The following PAGE1 variants were observed in gnomAD, a reference collection of about 807,000 sequenced individuals.
PAGE1 encodes P antigen family member 1.
Under a neutral mutation model 11.5 loss-of-function variants are expected in PAGE1, and 6 were observed. The ratio of observed to expected loss-of-function variants is 0.52; its 90% confidence interval spans 0.29 to 1.03. The LOEUF is 1.03. Among genes scored for constraint, PAGE1 ranks in the 50% least tolerant of loss-of-function variants. The pLI, the probability that PAGE1 is intolerant of heterozygous loss-of-function variation, is 0.09. For synonymous variants in PAGE1, 42 were observed against 40.2 expected, an observed-to-expected ratio of 1.05 and a Z score of -0.17; for missense variants, 120 against 110.2, an observed-to-expected ratio of 1.09 and a Z score of -0.40.
chrX:49,692,750 T>C, intron 3 of PAGE1, among the ~76,000 whole-genome samples: 1 of 110,788 alleles, frequency 9.0e-6, no homozygotes, highest in Non-Finnish European at 1.9e-5. Flanking sequence ...GAACAAACTT[T>C]ACATGTTTGT....
chrX:49,694,264 CA>C lies in PAGE1; in HGVS notation c.64-64del, dbSNP rs1557142588. The C allele has an allele frequency of 1.7e-5, 10 of 584,183 alleles. No individual in the cohort carries two copies. The Admixed American group carries it at 2.1e-4, about 12-fold the overall frequency. 48.1% of individuals were successfully genotyped at this position (584,183 alleles called of 1,213,427 possible). On this transcript the variant is annotated intron_variant, in intron 2 of 5. Transcript: ENST00000376150. The stretch of plus-strand genomic sequence containing the variant: ...AAAAAGTTTTGTTATTAATACATGT[CA>C]AAAAATATATACGTATACACACAGA...
chrX:49,689,697 CAT>C (rs1186146924), intron 4 of PAGE1, among the ~76,000 whole-genome samples, 154 bp from the exon 5 acceptor site: 17 of 52,522 alleles, frequency 3.2e-4, no homozygotes, highest in East Asian at 2.8e-3. Context: ...TATATATACA[CAT>C]ATATATGTGT....
chrX:49,692,693 G>C (rs1214230009), intron 3 of PAGE1, among the ~76,000 whole-genome samples: 2 of 110,848 alleles, frequency 1.8e-5, no homozygotes, highest in African/African-American at 6.6e-5. Flanking sequence ...AATTTTAAGT[G>C]TTATAGTTCA....
intron 4 of PAGE1, among the ~76,000 whole-genome samples, chrX:49,690,071 A>ATATATATGTG (rs60666030): frequency 7.0e-5 from 4 of 57,487 alleles, no homozygotes; most frequent in Non-Finnish European, 9.8e-5. Flanking sequence ...ATATACACAC[A>ATATATATGTG]TATATATGTG....
intron 5 of PAGE1, among the ~76,000 whole-genome samples, chrX:49,689,133 G>C (rs2066894052): frequency 9.0e-6 from 1 of 110,597 alleles, no homozygotes; most frequent in East Asian, 2.8e-4. Flanking sequence ...CTGAGATCAG[G>C]AGTTTGAGAC....
At position 49,690,134 on chromosome X, in the gene PAGE1, CAT is replaced by C. The variant is rs781908318; in HGVS notation, c.293-593_293-592del. On this transcript the variant is annotated intron_variant, in intron 4 of 5. Transcript: ENST00000376150. Reference sequence around the variant, plus strand: ...ACACATATATATGTGTATATATACACATATATATGTGTATATATATAATCAAT... The same window carrying C: ...ACACATATATATGTGTATATATACACATATATGTGTATATATATAATCAAT... Among the ~76,000 whole-genome samples the C allele has an allele frequency of 3.9e-4, 30 of 77,777 alleles. 1 individual carries two copies. The highest frequency in any genetic ancestry group is 1.3e-3 in the South Asian group (2 of 1,544). The allele number at this position is 77,777 out of a possible 115,157, so 67.5% of individuals were successfully genotyped here.
At chrX:49,694,048 A>C in intron 3 of PAGE1, 51 bp downstream of exon 3, 1 of 688,664 alleles carries the variant, frequency 1.5e-6, no homozygotes. Context: ...ACACACACAC[A>C]CACACACACA....
chrX:49,688,031 C>T (rs1458800829), intron 5 of PAGE1, among the ~76,000 whole-genome samples: 4 of 112,594 alleles, frequency 3.6e-5, no homozygotes, highest in Non-Finnish European at 7.5e-5. Context: ...AGGGAGTGTG[C>T]GTAGCACAGG....
chrX:49,692,146 G>GA (rs201192291), intron 3 of PAGE1, among the ~76,000 whole-genome samples: 36 of 102,286 alleles, frequency 3.5e-4, no homozygotes, highest in Admixed American at 1.1e-3. Flanking sequence ...GACTCCGTCT[G>GA]AAAAAAAAAA....
At chrX:49,691,987 G>GA (rs1557142263) in intron 3 of PAGE1, among the ~76,000 whole-genome samples, 2 of 110,140 alleles carry the variant, frequency 1.8e-5, no homozygotes, top group East Asian at 2.8e-4. Context: ...AAATACAAAA[G>GA]AAAAAATAAA....
At chrX:49,688,491 G>T (rs1473547603) in intron 5 of PAGE1, among the ~76,000 whole-genome samples, 1 of 111,093 alleles carries the variant, frequency 9.0e-6, no homozygotes, top group Non-Finnish European at 1.9e-5. Context: ...CAGAGTGCCC[G>T]CTCCCTTTCT....
chrX:49,689,410 T>C lies in PAGE1; in HGVS notation c.418+8A>G, dbSNP rs1049777159. On this transcript the variant is annotated splice_region_variant and intron_variant, in intron 5 of 5. Transcript: ENST00000376150. ...CCCTACAATTTGCATGCCTAATGGA[T>C]TGCCTACCTTCCTCAGGTGTTTTCA... The C allele has an allele frequency of 1.8e-6, 2 of 1,099,178 alleles. No homozygotes were observed. Among genetic ancestry groups the C allele is most frequent in the Non-Finnish European group, 2.4e-6 (2 of 831,678 alleles). 90.6% of individuals were successfully genotyped at this position (1,099,178 alleles called of 1,213,427 possible).
Position 49,690,796 on chromosome X carries a change from G to C in PAGE1, c.292+453C>G, listed in dbSNP as rs1169549196. ...TGCCAACATTTTGGGATGCCAAGGT[G>C]GGCAGATCACTTGAGGTCGGGAGTT... On this transcript the variant is annotated intron_variant, in intron 4 of 5. Coordinates refer to ENST00000376150, the MANE Select transcript of PAGE1 (RefSeq NM_003785.4). Among the ~76,000 whole-genome samples the C allele has an allele frequency of 6.4e-5, 7 of 110,063 alleles. No individual in the cohort carries two copies. In the Admixed American group the frequency reaches 6.8e-4, roughly 11 times the overall value.
At chrX:49,694,285 C>T (rs781921356) in intron 2 of PAGE1, 84 bp from the exon 3 acceptor site, 82 of 484,759 alleles carry the variant, frequency 1.7e-4, no homozygotes, top group Non-Finnish European at 2.8e-4. Context: ...TACGTATACA[C>T]ACAGAGAATG....
At position 49,691,256 on chromosome X, in the gene PAGE1, G is replaced by C; in HGVS notation, c.285C>G (p.Pro95=). Residue 95 remains proline (P), a synonymous_variant, in exon 4 of 6, where the codon CCC becomes CCG. Transcript: ENST00000376150. ...CLRNEEQMKL[P]AEGPEPEADS... ...GCTTAATGGACTACCTACCTTCTGC[G>C]GGCAGTTTCATCTGCTCTTCATTTC... The C allele has an allele frequency of 8.3e-7, 1 of 1,209,268 alleles. No individual in the cohort carries two copies. Among genetic ancestry groups the C allele is most frequent in the Non-Finnish European group, 1.1e-6 (1 of 894,084 alleles).
intron 3 of PAGE1, 132 bp downstream of exon 3, chrX:49,693,967 G>A (rs2066930136): frequency 2.7e-6 from 1 of 371,057 alleles, no homozygotes. Flanking sequence ...CAATTTCTAG[G>A]CATCGTTTGC....
intron 5 of PAGE1, among the ~76,000 whole-genome samples, chrX:49,688,490 C>T (rs782744472): frequency 5.4e-5 from 6 of 111,078 alleles, no homozygotes; most frequent in Admixed American, 9.6e-5. Flanking sequence ...GCAGAGTGCC[C>T]GCTCCCTTTC....
chrX:49,687,624 A>G lies in PAGE1; in HGVS notation c.419-61T>C, dbSNP rs186470171. The G allele has an allele frequency of 8.2e-4, 820 of 1,004,441 alleles. 3 individuals carry two copies. In the African/African-American group the frequency reaches 0.013, roughly 15 times the overall value. The allele number at this position is 1,004,441 out of a possible 1,213,427, so 82.8% of individuals were successfully genotyped here. On this transcript the variant is annotated intron_variant, in intron 5 of 5. Transcript: ENST00000376150. ...AGCAGCAGATTATTTAGATGACCCA[A>G]AAGGCACACAAAGGACACTACAATT...
At chrX:49,689,249 G>A (rs1310215067) in intron 5 of PAGE1, among the ~76,000 whole-genome samples, 169 bp downstream of exon 5, 1 of 108,606 alleles carries the variant, frequency 9.2e-6, no homozygotes, top group African/African-American at 3.4e-5. Context: ...GCTGAGGGAG[G>A]AGAATCACTT....
Sources: allele counts gnomAD v4.1 joint callset (sites outside exome capture counted in the v4.1 genomes callset), GRCh38; gene constraint gnomAD v4.1.1; transcripts MANE v1.5; gene names NCBI Gene and HGNC (gene_info 2026-07-23, HGNC 2026-07-21).